The following ACYP2 variants were observed in gnomAD, a reference collection of about 807,000 sequenced individuals.
ACYP2 encodes the protein acylphosphatase 2.
ACYP2 carries 12 observed loss-of-function variants against 11.2 expected under a neutral mutation model. The observed-to-expected ratio is 1.08, with a 90% CI of 0.69 to 1.74. The LOEUF (loss-of-function observed/expected upper bound fraction) is 1.74, where lower values mean the gene tolerates loss of function less well. Among genes scored for constraint, ACYP2 ranks in the 40% most tolerant of loss-of-function variants. The pLI, the probability that ACYP2 is intolerant of heterozygous loss-of-function variation, is 0.00. For synonymous variants in ACYP2, 43 were observed against 32.2 expected (o/e 1.33, Z -1.13); for missense variants, 134 against 101.9 (o/e 1.31, Z -1.35).
At chr2:54,222,089 T>C (rs150374638) in intron 6 of ACYP2, among the ~76,000 whole-genome samples, 110 of 152,290 alleles carry the variant, frequency 7.2e-4, no homozygotes, top group African/African-American at 2.2e-3. Flanking sequence ...TATTACCCTA[T>C]TTTTGTTGCA....
At chr2:54,291,864 G>A (rs370146910) in intron 6 of ACYP2, among the ~76,000 whole-genome samples, 1 of 152,128 alleles carries the variant, frequency 6.6e-6, no homozygotes, top group Non-Finnish European at 1.5e-5. Flanking sequence ...CATAGAGATC[G>A]GGAGTGTCTT....
intron 6 of ACYP2, among the ~76,000 whole-genome samples, chr2:54,148,436 G>A: frequency 6.6e-6 from 1 of 152,122 alleles, no homozygotes; most frequent in East Asian, 1.9e-4. Flanking sequence ...TCCATATGAA[G>A]CACTTAGTGC....
At chr2:54,095,696 G>T (rs1258334464) in intron 4 of ACYP2, among the ~76,000 whole-genome samples, 1 of 133,176 alleles carries the variant, frequency 7.5e-6, no homozygotes, top group African/African-American at 2.9e-5. Context: ...CGGGGCGGCT[G>T]GCCGGGCAGA....
At chr2:54,137,508 C>T (rs1054526275) in intron 5 of ACYP2, among the ~76,000 whole-genome samples, 3 of 152,120 alleles carry the variant, frequency 2.0e-5, no homozygotes, top group African/African-American at 7.2e-5. Context: ...AATTTAGCTC[C>T]CACTTCTACG....
chr2:54,120,492 T>A (rs1680084350), intron 4 of ACYP2, among the ~76,000 whole-genome samples: 1 of 152,264 alleles, frequency 6.6e-6, no homozygotes, highest in Non-Finnish European at 1.5e-5. Flanking sequence ...TGTGACTATC[T>A]GTTGGTATAC....
At chr2:53,995,514 T>TTATTTATG (rs1461751361) in intron 2 of ACYP2, among the ~76,000 whole-genome samples, 2 of 151,174 alleles carry the variant, frequency 1.3e-5, no homozygotes, top group Admixed American at 1.3e-4. Flanking sequence ...ATTTATTTAT[T>TTATTTATG]TATTTTTGAG....
At chr2:54,152,600 C>T (rs1296126765) in intron 6 of ACYP2, among the ~76,000 whole-genome samples, 1 of 152,166 alleles carries the variant, frequency 6.6e-6, no homozygotes, top group Admixed American at 6.5e-5. Flanking sequence ...TCTTTACTGT[C>T]TCCCTAGTTT....
chr2:53,992,244 G>A (rs568705261), intron 2 of ACYP2, among the ~76,000 whole-genome samples: 11 of 146,090 alleles, frequency 7.5e-5, no homozygotes, highest in African/African-American at 2.6e-4. Flanking sequence ...CTTTTCACCA[G>A]TGTCATAGTA....
chr2:54,259,111 G>A (rs958434543), intron 6 of ACYP2, among the ~76,000 whole-genome samples: 2 of 152,232 alleles, frequency 1.3e-5, no homozygotes, highest in African/African-American at 4.8e-5. Flanking sequence ...AGTCAAGGAT[G>A]ACTCCAATGA....
intron 6 of ACYP2, among the ~76,000 whole-genome samples, chr2:54,246,709 T>TTGTCTAA (rs1274546436): frequency 6.6e-6 from 1 of 152,226 alleles, no homozygotes; most frequent in East Asian, 1.9e-4. Flanking sequence ...AGTAATTGTA[T>TTGTCTAA]TGTCTAATAT....
intron 4 of ACYP2, chr2:54,080,247 G>A (rs1677571765): frequency 6.6e-6 from 1 of 152,478 alleles, no homozygotes. Flanking sequence ...ATCCTTTGTG[G>A]CAACACCATT....
intron 6 of ACYP2, among the ~76,000 whole-genome samples, chr2:54,258,724 T>C (rs1359202439): frequency 6.6e-6 from 1 of 152,130 alleles, no homozygotes; most frequent in Non-Finnish European, 1.5e-5. Context: ...GTGGACATAG[T>C]ATGATGGTAG....
chr2:54,095,649 C>T (rs1678503946), intron 4 of ACYP2, among the ~76,000 whole-genome samples: 1 of 140,672 alleles, frequency 7.1e-6, no homozygotes, highest in Non-Finnish European at 1.5e-5. Flanking sequence ...GGGCGGCTGG[C>T]CGCGCGGGGG....
intron 4 of ACYP2, 85 bp from the exon 1 acceptor site, chr2:54,115,530 A>C: frequency 6.7e-7 from 1 of 1,493,370 alleles, no homozygotes; most frequent in Non-Finnish European, 8.9e-7. Context: ...CAGGCCCCGC[A>C]GTCTCATTTG....
chr2:54,284,513 C>A (rs1688994542), intron 6 of ACYP2, among the ~76,000 whole-genome samples: 1 of 152,144 alleles, frequency 6.6e-6, no homozygotes, highest in Admixed American at 6.5e-5. Flanking sequence ...TTTGTGTACA[C>A]TTTTCTTGTG....
At chr2:54,244,463 A>G (rs1250433345) in intron 6 of ACYP2, among the ~76,000 whole-genome samples, 1 of 151,416 alleles carries the variant, frequency 6.6e-6, no homozygotes, top group African/African-American at 2.4e-5. Context: ...CAGCCTCCCA[A>G]AGTGCTGGGA....
At chr2:54,241,337 C>G (rs1558636545) in intron 6 of ACYP2, among the ~76,000 whole-genome samples, 1 of 152,138 alleles carries the variant, frequency 6.6e-6, no homozygotes, top group Non-Finnish European at 1.5e-5. Flanking sequence ...TCTAAAAATT[C>G]CAGCTGGTTT....
intron 3 of ACYP2, among the ~76,000 whole-genome samples, chr2:54,054,565 A>G (rs1424762076): frequency 6.6e-6 from 1 of 152,238 alleles, no homozygotes; most frequent in Non-Finnish European, 1.5e-5. Context: ...TCTTCTTAAC[A>G]TAACAGTACT....
chr2:53,990,529 A>G lies in ACYP2; in HGVS notation c.62+16719A>G, dbSNP rs535930571. 2.2e-4 allele frequency among the ~76,000 whole-genome samples: 33 copies of G among 151,040 alleles called. No individual in the cohort carries two copies. In the East Asian group the frequency reaches 6.6e-3, roughly 30 times the overall value. The stretch of plus-strand genomic sequence containing the variant: ...CTGGGCGTGGTGGCGGCCACCTGTA[A>G]TCCCAGCTACTTGGGAGGCTGAGGC... On this transcript the variant is annotated intron_variant, in intron 2 of 6. Transcript: ENST00000607452.
Sources: gnomAD v4.1 joint callset for allele counts (sites outside exome capture counted in the v4.1 genomes callset) on GRCh38, gnomAD v4.1.1 for gene constraint, MANE v1.5 for transcripts, NCBI Gene and HGNC (gene_info 2026-07-23, HGNC 2026-07-21) for gene names.